IMPG2: variants seen among roughly 807,000 people sequenced by gnomAD.
IMPG2 encodes interphotoreceptor matrix proteoglycan 2.
Under a neutral mutation model 129.2 loss-of-function variants are expected in IMPG2, and 91 were observed. The observed-to-expected ratio is 0.70, with a 90% CI of 0.59 to 0.84. The LOEUF (loss-of-function observed/expected upper bound fraction) is 0.84. IMPG2 is among the 40% of genes least tolerant of loss of function. IMPG2 has a pLI of 0.00. For missense variants in IMPG2, 1,430 were observed against 1,461.7 expected, an observed-to-expected ratio of 0.98 and a Z score of 0.35; for synonymous variants, 510 against 517.7, an observed-to-expected ratio of 0.99 and a Z score of 0.20.
At chr3:101,284,326 A>G (rs1706923419) in intron 4 of IMPG2, among the ~76,000 whole-genome samples, 1 of 152,220 alleles carries the variant, frequency 6.6e-6, no homozygotes, top group Admixed American at 6.5e-5. Flanking sequence ...AAAACATTGC[A>G]TCAGATTGTT....
In IMPG2 at chr3:101,257,627, C is replaced by G. The variant is rs1463955398; in HGVS notation, c.1055G>C (p.Ser352Thr). The G allele has an allele frequency of 6.2e-7, 1 of 1,613,310 alleles. No homozygotes were observed. Among genetic ancestry groups the G allele is most frequent in the African/African-American group, 1.3e-5 (1 of 74,892 alleles). Residue 352 changes from serine (S) to threonine (T), a missense_variant, in exon 10 of 19, where the codon AGT (serine) becomes ACT (threonine). Ser to Thr is a moderately conservative substitution (Grantham distance 58). Coordinates refer to ENST00000193391, the MANE Select transcript of IMPG2 (RefSeq NM_016247.4). ...DDKPTVVYTI[S>T]NFRDYIAETL... ...CTCAGCAATATAATCTCTGAAGTTA[C>G]TGATTGTATAAACAACAGTGGGTTT...
At chr3:101,305,926 G>A (rs565688993) in intron 2 of IMPG2, among the ~76,000 whole-genome samples, 1 of 152,280 alleles carries the variant, frequency 6.6e-6, no homozygotes, top group Admixed American at 6.5e-5. Context: ...GGAAAAGGAA[G>A]AGAGTGGTAA....
At chr3:101,294,211 T>G (rs1413286463) in intron 3 of IMPG2, among the ~76,000 whole-genome samples, 2 of 152,100 alleles carry the variant, frequency 1.3e-5, no homozygotes, top group Non-Finnish European at 2.9e-5. Context: ...CCGCATGCAT[T>G]AGCTGTTTGT....
intron 5 of IMPG2, among the ~76,000 whole-genome samples, 154 bp from the exon 6 acceptor site, chr3:101,275,899 T>G (rs1390989031): frequency 1.3e-5 from 2 of 152,226 alleles, no homozygotes; most frequent in Non-Finnish European, 2.9e-5. Context: ...CAGGACATAT[T>G]TGTATGGAGC....
chr3:101,276,700 A>T lies in IMPG2; in HGVS notation c.547T>A (p.Ser183Thr), dbSNP rs1457961258. The change falls in exon 5 of 19, where the codon TCT (serine) becomes ACT (threonine). Residue 183 changes from serine to threonine, a missense_variant. Transcript: ENST00000193391. ...GAAGTATCACCAACAGGAACTGGAG[A>T]AGACAGTTCAGAGCTAGAAAAAAAA... ...KETVSSSELS[S>T]PVPVGDTSTL... 6.2e-7 allele frequency: 1 copy of T among 1,608,958 alleles called. No individual in the cohort carries two copies. The highest frequency in any genetic ancestry group is 1.1e-5 in the South Asian group (1 of 90,898).
At chr3:101,293,272 C>T (rs1374024864) in intron 3 of IMPG2, among the ~76,000 whole-genome samples, 1 of 152,142 alleles carries the variant, frequency 6.6e-6, no homozygotes, top group African/African-American at 2.4e-5. Flanking sequence ...CTCCTTACTC[C>T]ATGGGCTGCA....
chr3:101,267,230 C>A (rs898518965), intron 9 of IMPG2, among the ~76,000 whole-genome samples: 2 of 152,172 alleles, frequency 1.3e-5, no homozygotes, highest in African/African-American at 4.8e-5. Flanking sequence ...AAGTGAAACA[C>A]AGCAAAGCTC....
chr3:101,291,367 TG>T, intron 4 of IMPG2, 111 bp downstream of exon 4: 3 of 928,580 alleles, frequency 3.2e-6, no homozygotes, highest in Non-Finnish European at 5.4e-6. Context: ...GCCTGGTCAT[TG>T]CGAACTGGCA....
chr3:101,279,363 C>G (rs768094170), intron 4 of IMPG2, among the ~76,000 whole-genome samples: 1 of 152,176 alleles, frequency 6.6e-6, no homozygotes, highest in African/African-American at 2.4e-5. Context: ...AATGGAGAAG[C>G]TGTTATGTAA....
chr3:101,298,863 G>A (rs139698329), intron 3 of IMPG2, among the ~76,000 whole-genome samples: 3 of 152,298 alleles, frequency 2.0e-5, no homozygotes, highest in Admixed American at 6.5e-5. Flanking sequence ...TAGAGAATCT[G>A]ATGATTATGT....
chr3:101,256,217 G>GAACGAAC lies in IMPG2; in HGVS notation c.1153+1311_1153+1312insGTTCGTT, dbSNP rs1553682322. On this transcript the variant is annotated intron_variant, in intron 10 of 18. Transcript: ENST00000193391. ...AGAAAGAAAGAAAGAAAGAAAGAAA[G>GAACGAAC]AAAAAAATATCTTATTTGGGAAATA... 1.5e-4 allele frequency among the ~76,000 whole-genome samples: 21 copies of GAACGAAC among 138,276 alleles called. 1 individual carries two copies. Among genetic ancestry groups the GAACGAAC allele is most frequent in the African/African-American group, 5.8e-4 (21 of 36,504 alleles). The allele number at this position is 138,276 out of a possible 152,430, so 90.7% of individuals were successfully genotyped here.
At position 101,226,789 on chromosome 3, in the gene IMPG2, A is replaced by G; in HGVS notation, c.*180T>C. On this transcript the variant is annotated 3_prime_UTR_variant, in exon 19 of 19. Coordinates refer to ENST00000193391, the MANE Select transcript of IMPG2 (RefSeq NM_016247.4). ...TCTTTATAGAAATAAAAATGGTAACATCTCTTACTACATTCTGAAAACTTA... is the reference window on the plus strand; with the variant it reads ...TCTTTATAGAAATAAAAATGGTAACGTCTCTTACTACATTCTGAAAACTTA... 1.6e-6 allele frequency: 1 copy of G among 616,026 alleles called. No homozygotes were observed. The highest frequency in any genetic ancestry group is 2.2e-5 in the South Asian group (1 of 45,312). 38.2% of individuals were successfully genotyped at this position (616,026 alleles called of 1,614,324 possible). A position where few individuals can be genotyped will look rare whatever the true frequency, so the allele number is the denominator to read the frequency against.
chr3:101,251,708 T>C (rs1441599741), intron 11 of IMPG2, among the ~76,000 whole-genome samples: 2 of 151,170 alleles, frequency 1.3e-5, no homozygotes, highest in Non-Finnish European at 3.0e-5. Context: ...CTAAAATAAC[T>C]TTTTTTTTAA....
rs1245639051 is a variant in IMPG2 at position 101,257,778 on chromosome 3, G to A, written c.909-5C>T. 6.2e-7 allele frequency: 1 copy of A among 1,612,798 alleles called. No homozygotes were observed. The highest frequency in any genetic ancestry group is 8.5e-7 in the Non-Finnish European group (1 of 1,179,164). ...GCATAGTAAACATCTACGCCACTAT[G>A]GATGGAAAGAGAGAACAGGTTAGGT... On this transcript the variant is annotated splice_polypyrimidine_tract_variant and splice_region_variant and intron_variant, in intron 9 of 18. Coordinates refer to ENST00000193391, the MANE Select transcript of IMPG2 (RefSeq NM_016247.4).
intron 9 of IMPG2, among the ~76,000 whole-genome samples, chr3:101,262,707 T>C (rs1706682758): frequency 6.6e-6 from 1 of 150,964 alleles, no homozygotes; most frequent in Non-Finnish European, 1.5e-5. Flanking sequence ...CTGTGAATTA[T>C]AACCTTGAAG....
Position 101,243,653 on chromosome 3 carries a change from G to A in IMPG2, c.2678C>T (p.Thr893Ile), listed in dbSNP as rs745542376. The A allele has an allele frequency of 8.7e-6, 14 of 1,613,948 alleles. No individual in the cohort carries two copies. Among genetic ancestry groups the A allele is most frequent in the African/African-American group, 1.3e-5 (1 of 75,022 alleles). ...AACCACCAAAGCTCCTGAAGTCTGG[G>A]TATAACTCAAGTCATCTCCTCCTTC... Reference protein sequence around the residue: ...PTEGGDDLSYTQTSGALVVFF... With the variant: ...PTEGGDDLSYIQTSGALVVFF... The change falls in exon 13 of 19, where the codon ACC becomes ATC. Residue 893 changes from threonine (T) to isoleucine (I), a missense_variant. Thr to Ile is a moderately conservative substitution (Grantham distance 89). Transcript: ENST00000193391.
At chr3:101,270,562 G>A (rs1260802751) in intron 7 of IMPG2, among the ~76,000 whole-genome samples, 1 of 152,054 alleles carries the variant, frequency 6.6e-6, no homozygotes, top group Non-Finnish European at 1.5e-5. Context: ...AAAATAATCA[G>A]GTTGAGGCGG....
chr3:101,306,226 CAT>C (rs1350553197), intron 2 of IMPG2, among the ~76,000 whole-genome samples: 2 of 152,152 alleles, frequency 1.3e-5, no homozygotes, highest in South Asian at 2.1e-4. Flanking sequence ...ACATGAATAT[CAT>C]ATGTTATTAT....
In IMPG2 at chr3:101,256,217, G is replaced by GAACGAACA. The variant is rs1553682322; in HGVS notation, c.1153+1311_1153+1312insTGTTCGTT. 4.0e-3 allele frequency among the ~76,000 whole-genome samples: 557 copies of GAACGAACA among 138,168 alleles called. 9 individuals are homozygous for GAACGAACA. Among genetic ancestry groups the GAACGAACA allele is most frequent in the African/African-American group, 0.015 (539 of 36,400 alleles). 90.6% of individuals were successfully genotyped at this position (138,168 alleles called of 152,430 possible). A position where few individuals can be genotyped will look rare whatever the true frequency, so the allele number is the denominator to read the frequency against. On this transcript the variant is annotated intron_variant, in intron 10 of 18. Transcript: ENST00000193391. Reference sequence around the variant, plus strand: ...AGAAAGAAAGAAAGAAAGAAAGAAAGAAAAAAATATCTTATTTGGGAAATA... The same window carrying GAACGAACA: ...AGAAAGAAAGAAAGAAAGAAAGAAAGAACGAACAAAAAAAATATCTTATTTGGGAAATA...
Sources: gnomAD v4.1 joint callset for allele counts (sites outside exome capture counted in the v4.1 genomes callset) on GRCh38, gnomAD v4.1.1 for gene constraint, MANE v1.5 for transcripts, NCBI Gene and HGNC (gene_info 2026-07-23, HGNC 2026-07-21) for gene names.